Variants in EXOC4 observed in about 807,000 individuals in gnomAD.
EXOC4 encodes the protein exocyst complex component 4, also known as SEC8-like 1.
In EXOC4, 71 loss-of-function variants were observed where a neutral mutation model predicts 107.2. That is an observed-to-expected ratio of 0.66 (90% CI 0.55 to 0.81). The LOEUF is 0.81. Among genes scored for constraint, EXOC4 ranks in the 30% least tolerant of loss-of-function variants. The pLI is 0.00. For missense variants in EXOC4, 1,108 were observed against 1,189.6 expected (o/e 0.93, Z 1.01); for synonymous variants, 456 against 441.2 (o/e 1.03, Z -0.42).
chr7:133,952,175 A>G (rs73156956), intron 14 of EXOC4, among the ~76,000 whole-genome samples: 26 of 91,026 alleles, frequency 2.9e-4, no homozygotes, highest in Non-Finnish European at 7.8e-4. Context: ...AAAAAAGAAA[A>G]AAAAAGAAGC....
At chr7:133,915,594 A>C (rs1171959327) in intron 12 of EXOC4, among the ~76,000 whole-genome samples, 1 of 152,214 alleles carries the variant, frequency 6.6e-6, no homozygotes, top group African/African-American at 2.4e-5. Context: ...GACAGGTATA[A>C]AGAATGTCAG....
In EXOC4 at chr7:133,790,782, T is replaced by TG. The variant is rs1276002107; in HGVS notation, c.1515-26538dup. ...GGTAGAGTTTCATGCTGCACGCAGC[T>TG]GGGGGCTCTCTGGAACCTGCTTGTC... On this transcript the variant is annotated intron_variant, in intron 10 of 17. Coordinates refer to ENST00000253861, the MANE Select transcript of EXOC4 (RefSeq NM_021807.4). Among the ~76,000 whole-genome samples the TG allele has an allele frequency of 3.3e-5, 5 of 152,348 alleles. No homozygotes were observed. The East Asian group carries it at 9.6e-4, about 29-fold the overall frequency.
At position 133,817,356 on chromosome 7, in the gene EXOC4, C is replaced by T; in HGVS notation, c.1546C>T (p.Leu516Phe). The change falls in exon 11 of 18, where the codon CTT becomes TTT. Residue 516 changes from leucine to phenylalanine, a missense_variant. Physicochemically the swap from Leu to Phe is conservative, Grantham distance 22 (BLOSUM62 0). Transcript: ENST00000253861. Reference protein sequence around the residue: ...FIQEIEHALGLGPAKQCPLRE... With the variant: ...FIQEIEHALGFGPAKQCPLRE... ...TCAGGAGATTGAGCATGCTCTGGGT[C>T]TTGGCCCAGCCAAACAGTGTCCTCT... The T allele has an allele frequency of 6.2e-7, 1 of 1,613,994 alleles. No individual in the cohort carries two copies.
downstream of EXOC4, among the ~76,000 whole-genome samples, chr7:134,069,806 C>T (rs1176820827): frequency 6.6e-6 from 1 of 152,170 alleles, no homozygotes; most frequent in African/African-American, 2.4e-5. Flanking sequence ...AATGGATTCC[C>T]ACCCCACAGC....
chr7:133,584,300 C>T (rs949450529), intron 9 of EXOC4, among the ~76,000 whole-genome samples: 3 of 152,070 alleles, frequency 2.0e-5, no homozygotes, highest in Non-Finnish European at 2.9e-5. Flanking sequence ...ATCTTGGGGA[C>T]CCCTGCAGGT....
chr7:133,997,799 G>A (rs942056735), intron 15 of EXOC4, among the ~76,000 whole-genome samples, 166 bp downstream of exon 15: 3 of 152,128 alleles, frequency 2.0e-5, no homozygotes, highest in East Asian at 1.9e-4. Context: ...TTATTTGAGC[G>A]CACAGTGTAT....
At chr7:133,316,720 C>G (rs1489961211) in intron 4 of EXOC4, among the ~76,000 whole-genome samples, 1 of 152,114 alleles carries the variant, frequency 6.6e-6, no homozygotes, top group East Asian at 1.9e-4. Context: ...ACTGAATTAA[C>G]CTGTTTGAGA....
intron 5 of EXOC4, among the ~76,000 whole-genome samples, chr7:133,325,339 C>T (rs909246293): frequency 1.3e-5 from 2 of 152,174 alleles, no homozygotes; most frequent in Admixed American, 6.5e-5. Flanking sequence ...GTTTTTGCAG[C>T]AGCTGGTACT....
intron 10 of EXOC4, among the ~76,000 whole-genome samples, chr7:133,807,634 A>G (rs1174601296): frequency 6.6e-6 from 1 of 152,236 alleles, no homozygotes; most frequent in Non-Finnish European, 1.5e-5. Flanking sequence ...TTACCGTAAG[A>G]TAAATTGAAA....
At chr7:133,580,218 C>A (rs911330898) in intron 9 of EXOC4, among the ~76,000 whole-genome samples, 1 of 152,128 alleles carries the variant, frequency 6.6e-6, no homozygotes, top group African/African-American at 2.4e-5. Context: ...TGGACATATA[C>A]CTTAAATGTG....
intron 10 of EXOC4, among the ~76,000 whole-genome samples, chr7:133,770,280 A>G (rs1796219099): frequency 6.6e-6 from 1 of 151,932 alleles, no homozygotes; most frequent in African/African-American, 2.4e-5. Flanking sequence ...GCTAAGGCAC[A>G]AGAAATTAAG....
At chr7:133,580,968 A>G (rs1266708410) in intron 9 of EXOC4, among the ~76,000 whole-genome samples, 3 of 152,240 alleles carry the variant, frequency 2.0e-5, no homozygotes, top group Non-Finnish European at 2.9e-5. Flanking sequence ...TTCAGGAAGT[A>G]ACTAACATAG....
intron 17 of EXOC4, among the ~76,000 whole-genome samples, chr7:134,031,179 T>C (rs930331316): frequency 2.0e-5 from 3 of 152,232 alleles, no homozygotes; most frequent in Non-Finnish European, 4.4e-5. Flanking sequence ...AGAAATGTTC[T>C]GAAATTCATT....
At chr7:133,325,125 C>G (rs1441216605) in intron 5 of EXOC4, among the ~76,000 whole-genome samples, 1 of 152,172 alleles carries the variant, frequency 6.6e-6, no homozygotes, top group Non-Finnish European at 1.5e-5. Context: ...AGATGGGTCT[C>G]CTGAATACAG....
chr7:134,018,832 T>A (rs1170399533), intron 17 of EXOC4, among the ~76,000 whole-genome samples: 1 of 152,224 alleles, frequency 6.6e-6, no homozygotes, highest in Non-Finnish European at 1.5e-5. Flanking sequence ...TTCTCTGTAA[T>A]AGACTACCTG....
intron 9 of EXOC4, among the ~76,000 whole-genome samples, chr7:133,513,791 A>G (rs775681916): frequency 6.6e-6 from 1 of 152,178 alleles, no homozygotes; most frequent in Non-Finnish European, 1.5e-5. Context: ...AAATTTTAAC[A>G]TCTGTCTTGT....
At chr7:133,999,611 A>G (rs529144769) in intron 15 of EXOC4, among the ~76,000 whole-genome samples, 1 of 152,330 alleles carries the variant, frequency 6.6e-6, no homozygotes, top group Admixed American at 6.5e-5. Flanking sequence ...AATATTTGCA[A>G]TAGATGGAAG....
chr7:133,312,755 A>G (rs1054159794), intron 4 of EXOC4, among the ~76,000 whole-genome samples: 1 of 151,946 alleles, frequency 6.6e-6, no homozygotes. Flanking sequence ...AGTAACTGGC[A>G]TACCACTGTG....
the EXOC4 span, among the ~76,000 whole-genome samples, chr7:134,099,674 G>A: frequency 1.3e-5 from 2 of 151,766 alleles, no homozygotes; most frequent in African/African-American, 4.8e-5. Context: ...GGGACTACAG[G>A]CACCCGCCAC....
Sources: gnomAD v4.1 joint callset for allele counts (sites outside exome capture counted in the v4.1 genomes callset) on GRCh38, gnomAD v4.1.1 for gene constraint, MANE v1.5 for transcripts, NCBI Gene and HGNC (gene_info 2026-07-23, HGNC 2026-07-21) for gene names.